CSMD1: variants seen among roughly 807,000 people sequenced by gnomAD.
The protein encoded by CSMD1 is CUB and sushi domain-containing protein 1.
A neutral mutation model predicts 417.5 loss-of-function variants in CSMD1; 213 were observed. That is an observed-to-expected ratio of 0.51 (90% CI 0.46 to 0.57). CSMD1 has a LOEUF of 0.57. Ranked by LOEUF, CSMD1 falls within the 20% of genes least tolerant of loss-of-function variation. CSMD1 has a pLI of 0.00. For missense variants in CSMD1, 6,923 were observed against 4,529.7 expected, an observed-to-expected ratio of 1.53 and a Z score of -15.17; for synonymous variants, 2,862 against 1,736.8, an observed-to-expected ratio of 1.65 and a Z score of -16.11.
At chr8:3,756,671 G>A (rs1274589283) in intron 5 of CSMD1, among the ~76,000 whole-genome samples, 3 of 152,168 alleles carry the variant, frequency 2.0e-5, no homozygotes, top group African/African-American at 7.2e-5. Context: ...AGCGAATGTA[G>A]GAAGCTGCAT....
intron 2 of CSMD1, among the ~76,000 whole-genome samples, chr8:4,595,655 T>C (rs1800234755): frequency 6.6e-6 from 1 of 152,142 alleles, no homozygotes; most frequent in Non-Finnish European, 1.5e-5. Flanking sequence ...TAGTCCCAGC[T>C]ACTGGGGAGG....
intron 35 of CSMD1, 150 bp from the exon 36 acceptor site, chr8:3,188,115 T>C (rs1255704209): frequency 1.1e-5 from 3 of 275,364 alleles, no homozygotes; most frequent in African/African-American, 6.8e-5. Flanking sequence ...TACACCTTAA[T>C]AATGCCTCCA....
In CSMD1 at chr8:4,084,085, G is replaced by T. The variant is rs574212724; in HGVS notation, c.416-51986C>A. Among the ~76,000 whole-genome samples the T allele has an allele frequency of 2.0e-5, 3 of 152,262 alleles. No individual in the cohort carries two copies. In the East Asian group the frequency reaches 5.8e-4, roughly 29 times the overall value. On this transcript the variant is annotated intron_variant, in intron 3 of 69. Coordinates refer to ENST00000635120, the MANE Select transcript of CSMD1 (RefSeq NM_033225.6). ...ATGCATCAATACATGAAAATGGCTA[G>T]TAATATTTGTCTTCGGAAAGGTAAA...
chr8:4,376,443 C>T (rs950093985), intron 3 of CSMD1, among the ~76,000 whole-genome samples: 2 of 152,142 alleles, frequency 1.3e-5, no homozygotes, highest in African/African-American at 4.8e-5. Context: ...AAAATATTTT[C>T]GGCTTATTCT....
At chr8:4,487,224 C>T (rs1585154380) in intron 2 of CSMD1, among the ~76,000 whole-genome samples, 4 of 151,732 alleles carry the variant, frequency 2.6e-5, no homozygotes, top group Admixed American at 2.6e-4. Flanking sequence ...CACAATGTGC[C>T]GGTTTGTTAC....
At chr8:4,129,261 C>G (rs1307812031) in intron 3 of CSMD1, among the ~76,000 whole-genome samples, 1 of 152,086 alleles carries the variant, frequency 6.6e-6, no homozygotes, top group Non-Finnish European at 1.5e-5. Context: ...CCTGGGGAGC[C>G]TTCAGATCTG....
chr8:3,052,419 C>T, intron 50 of CSMD1, 43 bp downstream of exon 50: 1 of 1,502,660 alleles, frequency 6.7e-7, no homozygotes, highest in Non-Finnish European at 9.0e-7. Context: ...ATTCAGTTCC[C>T]ACCTAAACCC....
intron 1 of CSMD1, among the ~76,000 whole-genome samples, chr8:4,832,781 GGACCCAGAGAGCCGA>G (rs1402590003): frequency 6.6e-6 from 1 of 152,120 alleles, no homozygotes; most frequent in Non-Finnish European, 1.5e-5. Flanking sequence ...ATTAAAAAGT[GGACCCAGAGAGCCGA>G]GACATTCATC....
intron 3 of CSMD1, among the ~76,000 whole-genome samples, chr8:4,186,654 T>C (rs1470749803): frequency 6.6e-6 from 1 of 152,110 alleles, no homozygotes; most frequent in Non-Finnish European, 1.5e-5. Flanking sequence ...GATGCCTCTA[T>C]TTCCCCAAAA....
At chr8:3,138,860 G>C (rs1311100316) in intron 41 of CSMD1, among the ~76,000 whole-genome samples, 1 of 152,198 alleles carries the variant, frequency 6.6e-6, no homozygotes, top group Non-Finnish European at 1.5e-5. Context: ...ATCTAAGAAA[G>C]CATGGTAAAC....
intron 12 of CSMD1, among the ~76,000 whole-genome samples, chr8:3,446,687 A>G (rs1815327863): frequency 6.6e-6 from 1 of 152,254 alleles, no homozygotes; most frequent in Admixed American, 6.5e-5. Context: ...AAAGGTAAAT[A>G]GGAACACATG....
At chr8:4,889,303 A>G (rs990211387) in intron 1 of CSMD1, among the ~76,000 whole-genome samples, 1 of 152,144 alleles carries the variant, frequency 6.6e-6, no homozygotes, top group Non-Finnish European at 1.5e-5. Flanking sequence ...GAAACATTAG[A>G]GAAACTCAAA....
intron 1 of CSMD1, among the ~76,000 whole-genome samples, chr8:4,663,874 C>G (rs1804759296): frequency 6.6e-6 from 1 of 152,120 alleles, no homozygotes; most frequent in Non-Finnish European, 1.5e-5. Flanking sequence ...TGGGCTGGAT[C>G]AGGAAAAGCA....
chr8:4,534,276 G>C (rs924664587), intron 2 of CSMD1, among the ~76,000 whole-genome samples: 2 of 152,172 alleles, frequency 1.3e-5, no homozygotes, highest in Non-Finnish European at 2.9e-5. Flanking sequence ...GCCCAAGGAT[G>C]CTCAAGGAGG....
At chr8:3,534,196 C>G (rs1044210118) in intron 10 of CSMD1, among the ~76,000 whole-genome samples, 2 of 152,198 alleles carry the variant, frequency 1.3e-5, no homozygotes, top group Non-Finnish European at 2.9e-5. Context: ...CACTTACTCA[C>G]TCCTGCAATG....
chr8:3,809,398 G>C (rs1007323644), intron 5 of CSMD1, among the ~76,000 whole-genome samples: 1 of 152,162 alleles, frequency 6.6e-6, no homozygotes, highest in Non-Finnish European at 1.5e-5. Flanking sequence ...CAGAGAATTA[G>C]GGACTGTAAA....
intron 17 of CSMD1, among the ~76,000 whole-genome samples, chr8:3,395,181 G>C (rs955714195): frequency 2.0e-5 from 3 of 152,154 alleles, no homozygotes; most frequent in African/African-American, 7.2e-5. Context: ...AATCATACGT[G>C]TGGGTATATG....
chr8:4,278,437 TGCTATA>T (rs1208897401), intron 3 of CSMD1, among the ~76,000 whole-genome samples: 3 of 152,228 alleles, frequency 2.0e-5, no homozygotes, highest in Admixed American at 6.5e-5. Context: ...CATCTGATGC[TGCTATA>T]GCTATATAAA....
intron 3 of CSMD1, among the ~76,000 whole-genome samples, chr8:4,073,880 C>T (rs1265434595): frequency 6.6e-6 from 1 of 152,088 alleles, no homozygotes. Flanking sequence ...TAGTCAATAA[C>T]TAGTCTACAG....
Sources: allele counts gnomAD v4.1 joint callset (sites outside exome capture counted in the v4.1 genomes callset), GRCh38; gene constraint gnomAD v4.1.1; transcripts MANE v1.5; gene names NCBI Gene and HGNC (gene_info 2026-07-23, HGNC 2026-07-21).